The following TPP2 variants were observed in gnomAD, a reference collection of about 807,000 sequenced individuals.
TPP2 encodes the protein tripeptidyl-peptidase 2.
TPP2 carries 34 observed loss-of-function variants against 155.9 expected under a neutral mutation model. That is an observed-to-expected ratio of 0.22 (90% CI 0.17 to 0.29). The LOEUF (loss-of-function observed/expected upper bound fraction) is 0.29. TPP2 is among the 10% of genes least tolerant of loss of function. The pLI, the probability that TPP2 is intolerant of heterozygous loss-of-function variation, is 1.00. For missense variants in TPP2, 1,028 were observed against 1,522.3 expected (o/e 0.68, Z 5.40); for synonymous variants, 510 against 529.4 (o/e 0.96, Z 0.50).
At chr13:102,627,780 C>T (rs1419627459) in intron 7 of TPP2, 68 bp from the exon 8 acceptor site, 2 of 1,120,058 alleles carry the variant, frequency 1.8e-6, no homozygotes, top group East Asian at 2.5e-5. Flanking sequence ...ATATATATGC[C>T]CTTATTTTAC....
intron 2 of TPP2, among the ~76,000 whole-genome samples, chr13:102,612,833 C>T (rs887117051): frequency 2.6e-5 from 4 of 151,974 alleles, no homozygotes; most frequent in African/African-American, 4.8e-5. Context: ...TATAACTTAA[C>T]GACTTTCTAT....
At chr13:102,663,527 T>C (rs1002743420) in intron 25 of TPP2, 121 bp from the exon 26 acceptor site, 3 of 640,762 alleles carry the variant, frequency 4.7e-6, no homozygotes, top group Non-Finnish European at 7.5e-6. Flanking sequence ...ACTATACTTG[T>C]ATTTCAAATT....
intron 2 of TPP2, 56 bp downstream of exon 2, chr13:102,604,977 A>G: frequency 2.5e-6 from 4 of 1,596,142 alleles, no homozygotes; most frequent in African/African-American, 2.7e-5. Context: ...GCCTCAAAGC[A>G]TCTAATGTTT....
chr13:102,617,583 A>G (rs918243887), intron 4 of TPP2, among the ~76,000 whole-genome samples: 1 of 152,210 alleles, frequency 6.6e-6, no homozygotes, highest in African/African-American at 2.4e-5. Flanking sequence ...TGACAGCCTC[A>G]GATTATCATA....
chr13:102,615,224 A>G lies in TPP2; in HGVS notation c.390+1028A>G, dbSNP rs546018239. The stretch of plus-strand genomic sequence containing the variant: ...ATTTTAAAATTTCAGGCTGGAATGC[A>G]GTGGCATGATCACAGCTAATTACTG... On this transcript the variant is annotated intron_variant, in intron 3 of 29. Transcript: ENST00000376052. Among the ~76,000 whole-genome samples the G allele has an allele frequency of 2.0e-5, 3 of 152,362 alleles. No homozygotes were observed. In the South Asian group the frequency reaches 6.2e-4, roughly 32 times the overall value.
intron 1 of TPP2, among the ~76,000 whole-genome samples, chr13:102,597,990 T>A (rs60830398): frequency 0.092 from 13,919 of 152,094 alleles, 891 homozygotes; most frequent in African/African-American, 0.18. Context: ...TTTTTTTTTT[T>A]AAACCTGAAA....
chr13:102,607,656 G>A (rs1879945233), intron 2 of TPP2: 2 of 446,778 alleles, frequency 4.5e-6, no homozygotes, highest in Non-Finnish European at 4.5e-6. Flanking sequence ...GCACAATCTC[G>A]GCTCACCTCG....
chr13:102,623,871 C>T (rs939148702), intron 6 of TPP2, among the ~76,000 whole-genome samples: 1 of 152,072 alleles, frequency 6.6e-6, no homozygotes, highest in Non-Finnish European at 1.5e-5. Context: ...GTATAACCTA[C>T]ACACATGCTC....
rs905162025 is a variant in TPP2, at chr13:102,631,561, A to G, written c.1244+1366A>G. 7.2e-5 allele frequency: 11 copies of G among 152,326 alleles called. No individual in the cohort carries two copies. The East Asian group carries it at 2.1e-3, about 29-fold the overall frequency. 9.4% of individuals were successfully genotyped at this position (152,326 alleles called of 1,614,324 possible). ...AGTTTGGAATTTTAAGTTTTATCTT[A>G]TTGTCAATGTAAAAACAAAGTATTA... On this transcript the variant is annotated intron_variant, in intron 10 of 29. Transcript: ENST00000376052.
intron 24 of TPP2, among the ~76,000 whole-genome samples, chr13:102,653,226 A>C (rs1353947880): frequency 6.6e-6 from 1 of 152,218 alleles, no homozygotes; most frequent in Non-Finnish European, 1.5e-5. Flanking sequence ...TTTTATAGTC[A>C]CATTACAAAG....
chr13:102,635,775 T>G (rs1882334964), intron 12 of TPP2, 73 bp downstream of exon 12: 4 of 1,182,162 alleles, frequency 3.4e-6, no homozygotes, highest in Non-Finnish European at 4.9e-6. Context: ...TTGGGTAATA[T>G]TTTGTTTTAT....
intron 24 of TPP2, among the ~76,000 whole-genome samples, chr13:102,654,594 CAT>C (rs945350124): frequency 2.0e-5 from 3 of 152,278 alleles, no homozygotes; most frequent in African/African-American, 7.2e-5. Context: ...CCTCACAACA[CAT>C]AGGCTGCCTG....
At chr13:102,620,055 G>A (rs1388956111) in intron 5 of TPP2, among the ~76,000 whole-genome samples, 1 of 152,144 alleles carries the variant, frequency 6.6e-6, no homozygotes, top group Non-Finnish European at 1.5e-5. Context: ...ATATTAGCAG[G>A]GATTGAGTAG....
intron 23 of TPP2, among the ~76,000 whole-genome samples, chr13:102,650,650 A>G (rs1418824894): frequency 6.6e-6 from 1 of 152,216 alleles, no homozygotes; most frequent in Non-Finnish European, 1.5e-5. Context: ...CGTTCAGATG[A>G]CAGATGACAC....
chr13:102,664,253 T>C (rs1884439613), intron 26 of TPP2, among the ~76,000 whole-genome samples: 1 of 152,218 alleles, frequency 6.6e-6, no homozygotes, highest in South Asian at 2.1e-4. Flanking sequence ...TAAAGGAGAT[T>C]TCTTAAAAGA....
intron 24 of TPP2, among the ~76,000 whole-genome samples, chr13:102,655,868 A>C (rs539593612): frequency 6.6e-6 from 1 of 151,726 alleles, no homozygotes; most frequent in East Asian, 1.9e-4. Flanking sequence ...GTTTTTCCTC[A>C]AGGCTTCCGT....
chr13:102,649,870 A>G (rs1276993173), intron 23 of TPP2, among the ~76,000 whole-genome samples: 2 of 152,158 alleles, frequency 1.3e-5, no homozygotes, highest in African/African-American at 2.4e-5. Flanking sequence ...GGTTGTCCAT[A>G]TAAGATTATG....
At chr13:102,639,054 A>T (rs1882579284) in intron 15 of TPP2, among the ~76,000 whole-genome samples, 1 of 152,226 alleles carries the variant, frequency 6.6e-6, no homozygotes, top group Non-Finnish European at 1.5e-5. Flanking sequence ...GACCAGGTGC[A>T]TTCCTGGTCA....
Position 102,638,223 on chromosome 13 carries a change from C to G in TPP2, c.1837-16C>G. 1 of 1,609,634 alleles carries G rather than the reference C, an allele frequency of 6.2e-7. No homozygotes were observed. The highest frequency in any genetic ancestry group is 8.5e-7 in the Non-Finnish European group (1 of 1,178,648). On this transcript the variant is annotated splice_polypyrimidine_tract_variant and intron_variant, in intron 14 of 29. Transcript: ENST00000376052. ...TTTGTTTATGGATATTGACACTTACCGATTCTTTTTTCAAGGTATGTGGCT... is the reference window on the plus strand; with the variant it reads ...TTTGTTTATGGATATTGACACTTACGGATTCTTTTTTCAAGGTATGTGGCT...
Sources: allele counts gnomAD v4.1 joint callset (sites outside exome capture counted in the v4.1 genomes callset), GRCh38; gene constraint gnomAD v4.1.1; transcripts MANE v1.5; gene names NCBI Gene and HGNC (gene_info 2026-07-23, HGNC 2026-07-21).